Variants in RANBP2 observed in about 807,000 individuals in gnomAD.
RANBP2 encodes RAN binding protein 2.
A neutral mutation model predicts 303.6 loss-of-function variants in RANBP2; 57 were observed. That is an observed-to-expected ratio of 0.19 (90% confidence interval 0.15 to 0.23). The LOEUF (loss-of-function observed/expected upper bound fraction) is 0.23, where lower values mean the gene tolerates loss of function less well. Ranked by LOEUF, RANBP2 falls within the 10% of genes least tolerant of loss-of-function variation. The probability of loss-of-function intolerance (pLI) is 1.00; values close to 1 mark genes in which losing one functional copy is unlikely to be tolerated. For synonymous variants in RANBP2, 1,167 were observed against 1,301.5 expected (o/e 0.90, Z 2.23); for missense variants, 3,138 against 3,780.8 (o/e 0.83, Z 4.46).
the RANBP2 span, among the ~76,000 whole-genome samples, chr2:109,656,039 G>A: frequency 1.3e-5 from 2 of 152,166 alleles, no homozygotes; most frequent in Non-Finnish European, 2.9e-5. Flanking sequence ...TAGTTCAAGT[G>A]ATATCTCCAC....
chr2:108,883,327 G>A, the RANBP2 span: 2 of 152,210 alleles, frequency 1.3e-5, no homozygotes, highest in East Asian at 1.9e-4. Context: ...AGATGAAGAT[G>A]GGACCAGTGA....
At chr2:109,249,532 T>TTCCTTCCTTCCTTCC in the RANBP2 span, among the ~76,000 whole-genome samples, 1 of 96,450 alleles carries the variant, frequency 1.0e-5, no homozygotes, top group Admixed American at 1.1e-4. Flanking sequence ...TCTTTCTTTC[T>TTCCTTCCTTCCTTCC]TTCCTTCCTT....
the RANBP2 span, among the ~76,000 whole-genome samples, chr2:109,107,346 GA>G: frequency 6.6e-6 from 1 of 152,222 alleles, no homozygotes; most frequent in Admixed American, 6.5e-5. Context: ...GTTTGAAACT[GA>G]GGAGAGTTGA....
At chr2:108,929,288 C>A in the RANBP2 span, 1 of 1,614,202 alleles carries the variant, frequency 6.2e-7, no homozygotes, top group Non-Finnish European at 8.5e-7. Flanking sequence ...GTCTTTGTGA[C>A]GCCTGCATAT....
At chr2:109,554,009 C>A in the RANBP2 span, among the ~76,000 whole-genome samples, 1 of 152,088 alleles carries the variant, frequency 6.6e-6, no homozygotes, top group Non-Finnish European at 1.5e-5. Flanking sequence ...GAATTAAGTT[C>A]GTATGGTATA....
chr2:109,596,396 T>A, the RANBP2 span, among the ~76,000 whole-genome samples: 1 of 151,946 alleles, frequency 6.6e-6, no homozygotes, highest in Admixed American at 6.6e-5. Context: ...GGTGGGTGGA[T>A]CATGAGGTCA....
At chr2:109,429,954 A>G in the RANBP2 span, among the ~76,000 whole-genome samples, 1 of 152,306 alleles carries the variant, frequency 6.6e-6, no homozygotes, top group African/African-American at 2.4e-5. Context: ...AATCCACGGA[A>G]CAAGGCCTCC....
the RANBP2 span, among the ~76,000 whole-genome samples, chr2:109,751,491 C>T: frequency 1.4e-5 from 2 of 147,964 alleles, no homozygotes; most frequent in African/African-American, 5.0e-5. Flanking sequence ...AAGTCCAGGC[C>T]CCCCTCAATG....
At chr2:108,948,696 G>C in the RANBP2 span, among the ~76,000 whole-genome samples, 3 of 152,114 alleles carry the variant, frequency 2.0e-5, no homozygotes, top group Non-Finnish European at 4.4e-5. Flanking sequence ...TCAATATCAT[G>C]AGAACAACAT....
chr2:109,730,128 G>T, the RANBP2 span, among the ~76,000 whole-genome samples: 2 of 152,144 alleles, frequency 1.3e-5, no homozygotes, highest in African/African-American at 4.8e-5. Context: ...TTTGGGTGGG[G>T]ACACAGAGCC....
intron 6 of RANBP2, among the ~76,000 whole-genome samples, chr2:108,739,335 A>G (rs1202201662): frequency 6.6e-6 from 1 of 152,132 alleles, no homozygotes; most frequent in Admixed American, 6.5e-5. Flanking sequence ...CCTGGGAGTC[A>G]GAGGTTGCAG....
chr2:109,362,761 G>C, the RANBP2 span, among the ~76,000 whole-genome samples: 1 of 152,140 alleles, frequency 6.6e-6, no homozygotes, highest in Non-Finnish European at 1.5e-5. Context: ...TGTTAGGTGC[G>C]TGTAATGATA....
At chr2:109,159,430 G>C in the RANBP2 span, among the ~76,000 whole-genome samples, 4 of 152,254 alleles carry the variant, frequency 2.6e-5, no homozygotes, top group African/African-American at 9.6e-5. Flanking sequence ...TTCTGTAACG[G>C]AGGCCTCCTG....
chr2:108,804,928 A>G, the RANBP2 span: 2 of 1,570,494 alleles, frequency 1.3e-6, no homozygotes, highest in East Asian at 2.3e-5. Flanking sequence ...CGAAGTTCTT[A>G]AGGAAAAGAA....
At chr2:108,885,618 A>G in the RANBP2 span, 1 of 152,244 alleles carries the variant, frequency 6.6e-6, no homozygotes, top group Non-Finnish European at 1.5e-5. Context: ...TCAAGTCACC[A>G]CACGGGTATT....
chr2:109,634,683 A>T, the RANBP2 span, among the ~76,000 whole-genome samples: 1 of 152,248 alleles, frequency 6.6e-6, no homozygotes. Flanking sequence ...TATGTGGAAA[A>T]ATCAAAAGAA....
At chr2:109,223,283 G>T in the RANBP2 span, among the ~76,000 whole-genome samples, 1 of 152,216 alleles carries the variant, frequency 6.6e-6, no homozygotes, top group Non-Finnish European at 1.5e-5. Context: ...CTCAGAGGCT[G>T]CGTGAGCACC....
the RANBP2 span, among the ~76,000 whole-genome samples, chr2:109,221,734 G>A: frequency 6.6e-6 from 1 of 152,096 alleles, no homozygotes; most frequent in South Asian, 2.1e-4. Context: ...GTGGAGAAAA[G>A]GGAACTCACA....
chr2:108,830,987 C>T, the RANBP2 span, among the ~76,000 whole-genome samples: 1 of 152,028 alleles, frequency 6.6e-6, no homozygotes, highest in Non-Finnish European at 1.5e-5. Context: ...CCAGCCTGAC[C>T]AACATGGAGA....
Sources: allele counts gnomAD v4.1 joint callset (sites outside exome capture counted in the v4.1 genomes callset), GRCh38; gene constraint gnomAD v4.1.1; transcripts MANE v1.5; gene names NCBI Gene and HGNC (gene_info 2026-07-23, HGNC 2026-07-21).